Variants in KAT6B observed in about 807,000 individuals in gnomAD.
The protein encoded by KAT6B is lysine acetyltransferase 6B.
KAT6B carries 10 observed loss-of-function variants against 187.5 expected under a neutral mutation model. That is an observed-to-expected ratio of 0.05 (90% confidence interval 0.03 to 0.09). KAT6B has a LOEUF of 0.09. KAT6B is among the 10% of genes least tolerant of loss of function. The pLI is 1.00. For synonymous variants in KAT6B, 861 were observed against 926.8 expected (o/e 0.93, Z 1.29); for missense variants, 1,952 against 2,558.9 (o/e 0.76, Z 5.12).
intron 13 of KAT6B, among the ~76,000 whole-genome samples, chr10:75,007,846 A>G (rs1442319315): frequency 6.6e-6 from 1 of 152,180 alleles, no homozygotes; most frequent in Non-Finnish European, 1.5e-5. Flanking sequence ...TATTGGTGGC[A>G]TCCTACTAGT....
chr10:75,009,057 T>G (rs777075568), intron 13 of KAT6B, among the ~76,000 whole-genome samples: 30 of 152,222 alleles, frequency 2.0e-4, no homozygotes, highest in Non-Finnish European at 4.1e-4. Flanking sequence ...CCAATCTACT[T>G]GTCTATAATC....
chr10:74,905,603 T>G lies in KAT6B; in HGVS notation c.622-54367T>G, dbSNP rs1035004654. Among the ~76,000 whole-genome samples the G allele has an allele frequency of 1.8e-4, 27 of 152,164 alleles. 1 individual carries two copies. Among genetic ancestry groups the G allele is most frequent in the African/African-American group, 1.2e-4 (5 of 41,430 alleles). On this transcript the variant is annotated intron_variant, in intron 3 of 17. Coordinates refer to ENST00000287239, the MANE Select transcript of KAT6B (RefSeq NM_012330.4). ...CCCCATTTAACTCAGTCTGCCAGAC[T>G]CTGTTTTCTTGTCTGTAAAATGAGG...
chr10:74,882,939 G>T (rs1844960190), intron 3 of KAT6B, among the ~76,000 whole-genome samples: 1 of 152,110 alleles, frequency 6.6e-6, no homozygotes, highest in African/African-American at 2.4e-5. Context: ...TGACCATATG[G>T]CTTTCTTCAT....
chr10:74,856,636 C>T lies in KAT6B; in HGVS notation c.621+13158C>T, dbSNP rs111536494. On this transcript the variant is annotated intron_variant, in intron 3 of 17. Coordinates refer to ENST00000287239, the MANE Select transcript of KAT6B (RefSeq NM_012330.4). ...GTGGGGGTCTGGGAGTGGTGGCTCA[C>T]ACCTATAATCCCAGCACTTTGGGAG... Among the ~76,000 whole-genome samples, 11 of 152,142 alleles carry T rather than the reference C, an allele frequency of 7.2e-5. 1 individual carries two copies. Among genetic ancestry groups the T allele is most frequent in the African/African-American group, 2.7e-4 (11 of 41,496 alleles).
intron 3 of KAT6B, among the ~76,000 whole-genome samples, chr10:74,845,848 A>T (rs1842063825): frequency 6.8e-6 from 1 of 147,138 alleles, no homozygotes; most frequent in African/African-American, 2.5e-5. Context: ...AAGGCAAACC[A>T]CCTGGTCCTA....
intron 3 of KAT6B, among the ~76,000 whole-genome samples, chr10:74,927,703 T>G (rs143988100): frequency 1.3e-5 from 2 of 152,232 alleles, no homozygotes; most frequent in East Asian, 3.9e-4. Context: ...GTGTATTTCC[T>G]ACCCAGTTGC....
chr10:75,012,619 G>T (rs896376828), intron 13 of KAT6B, among the ~76,000 whole-genome samples: 4 of 152,160 alleles, frequency 2.6e-5, no homozygotes, highest in Admixed American at 2.6e-4. Flanking sequence ...TCAACACAGG[G>T]GCGGTGCAGA....
chr10:74,952,793 T>G (rs1840403719), intron 3 of KAT6B, among the ~76,000 whole-genome samples: 1 of 151,598 alleles, frequency 6.6e-6, no homozygotes, highest in South Asian at 2.1e-4. Context: ...TTCAAGTGAT[T>G]CTTCTGCCTC....
intron 3 of KAT6B, among the ~76,000 whole-genome samples, chr10:74,957,025 T>C (rs970237250): frequency 3.3e-5 from 5 of 152,336 alleles, no homozygotes; most frequent in African/African-American, 4.8e-5. Context: ...CTGTAGTAGA[T>C]TTGTATAGAA....
At chr10:74,883,623 G>C (rs1269958090) in intron 3 of KAT6B, among the ~76,000 whole-genome samples, 1 of 152,170 alleles carries the variant, frequency 6.6e-6, no homozygotes, top group Non-Finnish European at 1.5e-5. Context: ...CATTTCATAA[G>C]AGCTAGTGAA....
intron 13 of KAT6B, among the ~76,000 whole-genome samples, chr10:75,005,469 C>G (rs780472043): frequency 1.3e-4 from 20 of 152,290 alleles, no homozygotes; most frequent in Admixed American, 4.6e-4. Flanking sequence ...CCACCCACCT[C>G]AGCCTCCCAA....
chr10:74,860,169 G>T (rs1843079669), intron 3 of KAT6B, among the ~76,000 whole-genome samples: 1 of 151,974 alleles, frequency 6.6e-6, no homozygotes, highest in African/African-American at 2.4e-5. Flanking sequence ...ATTTTGACAT[G>T]TATCTTGTGG....
intron 2 of KAT6B, among the ~76,000 whole-genome samples, chr10:74,839,348 A>T (rs1221094347): frequency 2.0e-5 from 3 of 150,150 alleles, no homozygotes; most frequent in African/African-American, 7.4e-5. Context: ...CTCCTGCCTT[A>T]GCCTCCTGAG....
chr10:74,962,999 TTTTCC>T (rs1841210113), intron 4 of KAT6B, among the ~76,000 whole-genome samples: 1 of 152,200 alleles, frequency 6.6e-6, no homozygotes, highest in Non-Finnish European at 1.5e-5. Flanking sequence ...GTAACTTTGG[TTTTCC>T]TCATCTGTGG....
At chr10:74,981,306 T>TCTTTCTTCCTTCCTTCCTTC (rs1554836803) in intron 10 of KAT6B, among the ~76,000 whole-genome samples, 3 of 139,944 alleles carry the variant, frequency 2.1e-5, no homozygotes, top group African/African-American at 9.2e-5. Context: ...TTTCTTTCTT[T>TCTTTCTTCCTTCCTTCCTTC]CTTCCTTCCT....
At position 74,885,051 on chromosome 10, in the gene KAT6B, A is replaced by AAATT. The variant is rs1320366609; in HGVS notation, c.621+41590_621+41593dup. ...AAAATTTTAATTTTCTTGAAAATGT[A>AAATT]AATTAATTAATTAATTAATTTATTT... On this transcript the variant is annotated intron_variant, in intron 3 of 17. Transcript: ENST00000287239. Among the ~76,000 whole-genome samples, 29 of 152,036 alleles carry AAATT rather than the reference A, an allele frequency of 1.9e-4. 2 individuals carry two copies. The highest frequency in any genetic ancestry group is 3.4e-3 in the Middle Eastern group (1 of 294).
intron 3 of KAT6B, among the ~76,000 whole-genome samples, chr10:74,903,708 C>T (rs1846556649): frequency 6.6e-6 from 1 of 152,186 alleles, no homozygotes; most frequent in African/African-American, 2.4e-5. Flanking sequence ...GGATTTCTGA[C>T]CCACTCAGCT....
chr10:74,847,302 A>G (rs1842174801), intron 3 of KAT6B, among the ~76,000 whole-genome samples: 1 of 152,270 alleles, frequency 6.6e-6, no homozygotes, highest in Non-Finnish European at 1.5e-5. Context: ...TGATTCTTAA[A>G]AAACAAAAAT....
At chr10:74,871,736 A>G (rs1269482959) in intron 3 of KAT6B, among the ~76,000 whole-genome samples, 1 of 152,196 alleles carries the variant, frequency 6.6e-6, no homozygotes, top group East Asian at 1.9e-4. Context: ...CAAGATGAGT[A>G]AGAACAATAT....
Sources: allele counts gnomAD v4.1 joint callset (sites outside exome capture counted in the v4.1 genomes callset), GRCh38; gene constraint gnomAD v4.1.1; transcripts MANE v1.5; gene names NCBI Gene and HGNC (gene_info 2026-07-23, HGNC 2026-07-21).